PPP1R37: variants seen among roughly 807,000 people sequenced by gnomAD.
PPP1R37 encodes leucine rich repeat containing 68.
A neutral mutation model predicts 61.0 loss-of-function variants in PPP1R37; 21 were observed. The ratio of observed to expected loss-of-function variants is 0.34; its 90% CI spans 0.24 to 0.50. The LOEUF is 0.50. Among genes scored for constraint, PPP1R37 ranks in the 20% least tolerant of loss-of-function variants. The pLI is 0.98. For synonymous variants in PPP1R37, 443 were observed against 433.5 expected, an observed-to-expected ratio of 1.02 and a Z score of -0.27; for missense variants, 910 against 952.7, an observed-to-expected ratio of 0.96 and a Z score of 0.59.
chr19:45,120,703 A>T (rs912423082), intron 1 of PPP1R37, among the ~76,000 whole-genome samples: 18 of 152,084 alleles, frequency 1.2e-4, no homozygotes, highest in Non-Finnish European at 2.2e-4. Flanking sequence ...TCTCATTGCA[A>T]CATCCGCCTC....
intron 1 of PPP1R37, among the ~76,000 whole-genome samples, chr19:45,127,991 A>AT (rs1445889465): frequency 6.6e-6 from 1 of 151,838 alleles, no homozygotes; most frequent in African/African-American, 2.4e-5. Flanking sequence ...AAAAAAAAAA[A>AT]AAGATAAATG....
intron 1 of PPP1R37, among the ~76,000 whole-genome samples, chr19:45,131,952 C>T (rs1452588405): frequency 6.6e-6 from 1 of 152,152 alleles, no homozygotes; most frequent in East Asian, 1.9e-4. Context: ...AAAGAGGTTG[C>T]TGTGGTCATT....
chr19:45,116,561 G>A (rs1052512029), intron 1 of PPP1R37, among the ~76,000 whole-genome samples: 1 of 152,230 alleles, frequency 6.6e-6, no homozygotes, highest in Admixed American at 6.5e-5. Flanking sequence ...TGAGAGGGAA[G>A]GACCGGCCAT....
chr19:45,109,245 C>T (rs955426635), intron 1 of PPP1R37, among the ~76,000 whole-genome samples: 6 of 152,138 alleles, frequency 3.9e-5, no homozygotes, highest in African/African-American at 1.2e-4. Context: ...AGGTGGGGGA[C>T]AGGGGTGCAG....
At chr19:45,144,005 A>C (rs1968649688) in intron 8 of PPP1R37, 1 of 158,960 alleles carries the variant, frequency 6.3e-6, no homozygotes, top group African/African-American at 2.4e-5. Context: ...CCGCCTAGCC[A>C]ATTTTTTTAT....
chr19:45,104,863 T>C (rs1288854170), intron 1 of PPP1R37, among the ~76,000 whole-genome samples: 1 of 152,138 alleles, frequency 6.6e-6, no homozygotes, highest in Non-Finnish European at 1.5e-5. Flanking sequence ...CATCCTGTCC[T>C]GGAAGACCGG....
chr19:45,143,903 T>TCACTGCAGC (rs1968647906), intron 8 of PPP1R37: 2 of 261,910 alleles, frequency 7.6e-6, no homozygotes, highest in Middle Eastern at 1.2e-3. Context: ...CCATCTAGGC[T>TCACTGCAGC]CACTGCAGCC....
rs1010050916 is a variant in PPP1R37, at chr19:45,141,240, G to T, written c.448-82G>T. 6 of 1,439,424 alleles carry T rather than the reference G, an allele frequency of 4.2e-6. No homozygotes were observed. The East Asian group carries it at 7.5e-5, about 18-fold the overall frequency. 89.2% of individuals were successfully genotyped at this position (1,439,424 alleles called of 1,614,324 possible). On this transcript the variant is annotated intron_variant, in intron 4 of 12. Coordinates refer to ENST00000221462, the MANE Select transcript of PPP1R37 (RefSeq NM_019121.2). ...CCAGACCCTGGACCCATCGTCTCTC[G>T]GTGGGGCCCGGTGTCAGGGCCCACG...
At chr19:45,106,891 A>G (rs1047279611) in intron 1 of PPP1R37, among the ~76,000 whole-genome samples, 3 of 127,996 alleles carry the variant, frequency 2.3e-5, no homozygotes, top group Non-Finnish European at 4.6e-5. Flanking sequence ...ATCTCGGCTC[A>G]CTGCACGCTC....
At chr19:45,102,676 C>G (rs1968079542) in intron 1 of PPP1R37, among the ~76,000 whole-genome samples, 1 of 152,208 alleles carries the variant, frequency 6.6e-6, no homozygotes. Flanking sequence ...TGGCCTTGGG[C>G]AAGTCCCTTG....
At chr19:45,114,119 T>G (rs998540765) in intron 1 of PPP1R37, among the ~76,000 whole-genome samples, 2 of 152,242 alleles carry the variant, frequency 1.3e-5, no homozygotes, top group African/African-American at 4.8e-5. Context: ...TCAGTCTCAG[T>G]CTCATTGGCT....
chr19:45,117,256 C>T (rs966018928), intron 1 of PPP1R37, among the ~76,000 whole-genome samples: 76 of 152,076 alleles, frequency 5.0e-4, no homozygotes, highest in African/African-American at 1.8e-3. Context: ...AAGTCAGCTG[C>T]GGCTTAAGCT....
rs189690090 is a variant in PPP1R37, at chr19:45,116,438, C to T, written c.203-22076C>T. 2.6e-5 allele frequency among the ~76,000 whole-genome samples: 4 copies of T among 152,350 alleles called. No homozygotes were observed. The East Asian group carries it at 7.7e-4, about 29-fold the overall frequency. The stretch of plus-strand genomic sequence containing the variant: ...TCCTGCAGCATGTGGCCACGGTACC[C>T]ACTGGCTGAATGGTGGTGCCTCCCT... On this transcript the variant is annotated intron_variant, in intron 1 of 12. Coordinates refer to ENST00000221462, the MANE Select transcript of PPP1R37 (RefSeq NM_019121.2).
intron 1 of PPP1R37, among the ~76,000 whole-genome samples, chr19:45,133,408 T>G (rs1417128616): frequency 6.6e-6 from 1 of 152,148 alleles, no homozygotes; most frequent in Non-Finnish European, 1.5e-5. Flanking sequence ...TTAACCATAT[T>G]GCAAGACTCT....
In PPP1R37 at chr19:45,140,499, C is replaced by T. The variant is rs1397022268; in HGVS notation, c.347-7C>T. On this transcript the variant is annotated splice_region_variant and splice_polypyrimidine_tract_variant and intron_variant, in intron 3 of 12. Transcript: ENST00000221462. ...TAGACATGCGCACGGCTGCTGTCTC[C>T]CCCCAGGTGAGAAGCTTGACTACAA... 1.3e-6 allele frequency: 2 copies of T among 1,530,252 alleles called. No individual in the cohort carries two copies. The highest frequency in any genetic ancestry group is 1.8e-6 in the Non-Finnish European group (2 of 1,141,708). The allele number at this position is 1,530,252 out of a possible 1,614,324, so 94.8% of individuals were successfully genotyped here.
chr19:45,104,851 C>T (rs1968109840), intron 1 of PPP1R37, among the ~76,000 whole-genome samples: 1 of 152,170 alleles, frequency 6.6e-6, no homozygotes, highest in African/African-American at 2.4e-5. Context: ...GGCAGCTCCC[C>T]ACATCCTGTC....
Position 45,130,568 on chromosome 19 carries a change from G to A in PPP1R37, c.203-7946G>A, listed in dbSNP as rs1048717606. On this transcript the variant is annotated intron_variant, in intron 1 of 12. Transcript: ENST00000221462. The surrounding 1 kb of genome is among the most constrained non-coding windows in gnomAD (Gnocchi z 4.4). ...CAGACCTGAGCCCGGTGGGGCCTCT[G>A]GGAACACTCCTTTCAAGGCCAGCTC... is the stretch of plus-strand genomic sequence containing the variant. Among the ~76,000 whole-genome samples, 12 of 152,132 alleles carry A rather than the reference G, an allele frequency of 7.9e-5. No homozygotes were observed. The highest frequency in any genetic ancestry group is 1.3e-4 in the Non-Finnish European group (9 of 68,014).
At chr19:45,143,351 C>T (rs756603037) in intron 7 of PPP1R37, 170 bp from the exon 8 acceptor site, 22 of 557,080 alleles carry the variant, frequency 3.9e-5, no homozygotes, top group Non-Finnish European at 5.8e-5. Flanking sequence ...GCCCAGGGGT[C>T]ACAGATGTGT....
intron 1 of PPP1R37, chr19:45,129,069 T>A: frequency 1.5e-6 from 1 of 672,160 alleles, no homozygotes; most frequent in Non-Finnish European, 2.7e-6. Flanking sequence ...AGCAGTGATC[T>A]TCTGAGACTG....
Sources: gnomAD v4.1 joint callset for allele counts (sites outside exome capture counted in the v4.1 genomes callset) on GRCh38, gnomAD v4.1.1 for gene constraint, Gnocchi (gnomAD v3.1) non-coding constraint, MANE v1.5 for transcripts, NCBI Gene and HGNC (gene_info 2026-07-23, HGNC 2026-07-21) for gene names.